Variants in CCBE1 observed in about 807,000 individuals in gnomAD.
CCBE1 encodes collagen and calcium binding EGF domains 1.
In CCBE1, 37 loss-of-function variants were observed where a neutral mutation model predicts 50.0. That is an observed-to-expected ratio of 0.74 (90% confidence interval 0.57 to 0.97). The LOEUF is 0.97. Ranked by LOEUF, CCBE1 falls within the 50% of genes least tolerant of loss-of-function variation. The pLI, the probability that CCBE1 is intolerant of heterozygous loss-of-function variation, is 0.00. For synonymous variants in CCBE1, 234 were observed against 203.7 expected, an observed-to-expected ratio of 1.15 and a Z score of -1.27; for missense variants, 538 against 523.8, an observed-to-expected ratio of 1.03 and a Z score of -0.26.
intron 6 of CCBE1, among the ~76,000 whole-genome samples, chr18:59,454,542 G>A (rs534515240): frequency 1.1e-4 from 16 of 152,138 alleles, no homozygotes; most frequent in African/African-American, 2.4e-4. Context: ...CACCGCACCC[G>A]GCTGGAAATT....
chr18:59,642,734 G>A (rs1040944803), intron 2 of CCBE1, among the ~76,000 whole-genome samples: 10 of 151,992 alleles, frequency 6.6e-5, no homozygotes, highest in African/African-American at 2.4e-4. Context: ...TGAATCATGA[G>A]GTCAAGAGTT....
At chr18:59,559,228 C>T (rs182127597) in intron 2 of CCBE1, among the ~76,000 whole-genome samples, 11 of 152,326 alleles carry the variant, frequency 7.2e-5, no homozygotes, top group African/African-American at 2.4e-4. Context: ...CAACAAGCTG[C>T]GTTTACTGGC....
rs1341646767 is a variant in CCBE1 at position 59,638,507 on chromosome 18, C to CA, written c.212+58121dup. On this transcript the variant is annotated intron_variant, in intron 2 of 10. Transcript: ENST00000439986. ...CCCTAGACCCACTGAATCAGAAACTCAGAGTGAAGCTCAGCAGCCTGTGTT... is the reference window on the plus strand; with the variant it reads ...CCCTAGACCCACTGAATCAGAAACTCAAGAGTGAAGCTCAGCAGCCTGTGTT... Among the ~76,000 whole-genome samples the CA allele has an allele frequency of 4.6e-5, 7 of 152,286 alleles. No individual in the cohort carries two copies. In the East Asian group the frequency reaches 1.4e-3, roughly 29 times the overall value.
Position 59,448,094 on chromosome 18 carries a change from G to A in CCBE1, c.664C>T (p.Leu222Phe), listed in dbSNP as rs770685560. ...VLQLKQKIAL[L>F]PNNAADLGKY... ...CCCAGGTCAGCTGCATTGTTGGGGA[G>A]CAGAGCAATCTGCAAGGAGAAGAGG... Residue 222 changes from leucine (L) to phenylalanine (F), a missense_variant, in exon 7 of 11, where the codon CTC becomes TTC. By Grantham distance (22) the Leu-to-Phe change is conservative. Transcript: ENST00000439986. 47 of 1,613,980 alleles carry A rather than the reference G, an allele frequency of 2.9e-5. No individual in the cohort carries two copies. The Admixed American group carries it at 7.8e-4, about 27-fold the overall frequency.
At position 59,516,133 on chromosome 18, in the gene CCBE1, A is replaced by T. The variant is rs368261377; in HGVS notation, c.213-35895T>A. Among the ~76,000 whole-genome samples, 9 of 152,026 alleles carry T rather than the reference A, an allele frequency of 5.9e-5. No individual in the cohort carries two copies. The East Asian group carries it at 1.4e-3, about 23-fold the overall frequency. ...CCCACCACGCCCAGCTAACTTTTGT[A>T]TTTTTAGTAGAGATGGGGTCTTGCC... On this transcript the variant is annotated intron_variant, in intron 2 of 10. Transcript: ENST00000439986.
At chr18:59,489,705 G>A (rs80188789) in intron 2 of CCBE1, among the ~76,000 whole-genome samples, 11,713 of 151,678 alleles carry the variant, frequency 0.077, 912 homozygotes, top group East Asian at 0.33. Context: ...GAGCCACTGC[G>A]CCCAGCCCTG....
chr18:59,503,779 G>A (rs1232893158), intron 2 of CCBE1, among the ~76,000 whole-genome samples: 1 of 151,898 alleles, frequency 6.6e-6, no homozygotes, highest in African/African-American at 2.4e-5. Context: ...AGTACAACAG[G>A]CCCCACTTCA....
intron 2 of CCBE1, among the ~76,000 whole-genome samples, chr18:59,500,448 C>T (rs1251308519): frequency 1.3e-5 from 2 of 152,166 alleles, no homozygotes; most frequent in Non-Finnish European, 2.9e-5. Flanking sequence ...GTGTGCTGAA[C>T]TGTGGGCCAT....
At chr18:59,669,756 G>A (rs1048043003) in intron 2 of CCBE1, among the ~76,000 whole-genome samples, 1 of 152,194 alleles carries the variant, frequency 6.6e-6, no homozygotes, top group Non-Finnish European at 1.5e-5. Context: ...AGTTAGGGTG[G>A]TACAATGAGA....
intron 2 of CCBE1, among the ~76,000 whole-genome samples, chr18:59,486,718 A>G (rs1166224685): frequency 6.6e-6 from 1 of 152,202 alleles, no homozygotes; most frequent in Non-Finnish European, 1.5e-5. Context: ...ACCAGGGTGC[A>G]GCAAGATGAT....
rs1168948195 is a variant in CCBE1, at chr18:59,431,134, G to A, written c.*4774C>T. Reference sequence around the variant, plus strand: ...CCACGGCACACATGAAATTCCTAAGGGGACTTGCTTTGATCCCCTGGGGAG... The same window carrying A: ...CCACGGCACACATGAAATTCCTAAGAGGACTTGCTTTGATCCCCTGGGGAG... On this transcript the variant is annotated 3_prime_UTR_variant, in exon 11 of 11. Transcript: ENST00000439986. 2.0e-5 allele frequency: 3 copies of A among 152,102 alleles called. No individual in the cohort carries two copies. Among genetic ancestry groups the A allele is most frequent in the Non-Finnish European group, 4.4e-5 (3 of 68,016 alleles). 9.4% of individuals were successfully genotyped at this position (152,102 alleles called of 1,614,324 possible).
chr18:59,449,570 C>T (rs1334478604), intron 6 of CCBE1, among the ~76,000 whole-genome samples: 3 of 148,940 alleles, frequency 2.0e-5, no homozygotes, highest in Non-Finnish European at 3.0e-5. Flanking sequence ...TGCAGTGAGC[C>T]GAGATCGCAC....
intron 2 of CCBE1, among the ~76,000 whole-genome samples, chr18:59,540,474 G>T (rs1014538812): frequency 6.6e-6 from 1 of 152,212 alleles, no homozygotes; most frequent in Non-Finnish European, 1.5e-5. Flanking sequence ...TTGGTATGAA[G>T]TGTGTGTGGT....
At chr18:59,601,470 A>G (rs1363598496) in intron 2 of CCBE1, among the ~76,000 whole-genome samples, 1 of 152,112 alleles carries the variant, frequency 6.6e-6, no homozygotes, top group Non-Finnish European at 1.5e-5. Flanking sequence ...ATCTTCCACC[A>G]TGATTGTGAG....
intron 2 of CCBE1, among the ~76,000 whole-genome samples, chr18:59,626,232 A>G (rs2053782913): frequency 6.6e-6 from 1 of 152,236 alleles, no homozygotes; most frequent in Non-Finnish European, 1.5e-5. Context: ...ATAAAGTTCC[A>G]CCTTAAAGTA....
At chr18:59,673,741 C>T (rs59174198) in intron 2 of CCBE1, among the ~76,000 whole-genome samples, 3,920 of 152,212 alleles carry the variant, frequency 0.026, 106 homozygotes, top group African/African-American at 0.053. Context: ...TGATGGATTA[C>T]GTTTATTGAT....
intron 2 of CCBE1, among the ~76,000 whole-genome samples, chr18:59,566,870 G>A (rs2144471360): frequency 6.6e-6 from 1 of 152,066 alleles, no homozygotes; most frequent in East Asian, 1.9e-4. Context: ...AATCTCTAAA[G>A]CCTCAGAAGA....
At chr18:59,675,446 C>A (rs148145708) in intron 2 of CCBE1, among the ~76,000 whole-genome samples, 1 of 152,192 alleles carries the variant, frequency 6.6e-6, no homozygotes, top group Non-Finnish European at 1.5e-5. Flanking sequence ...CTCTCTCCCC[C>A]ACACATGGGA....
chr18:59,696,698 GAGC>G lies in CCBE1; in HGVS notation c.140_142del (p.Cys47del). The G allele has an allele frequency of 6.2e-7, 1 of 1,613,944 alleles. No individual in the cohort carries two copies. The highest frequency in any genetic ancestry group is 2.2e-5 in the East Asian group (1 of 44,874). ...TTTAGTCGTCGCGATTTTGCTCTCTGAGCAGATTTCTCTATGAAAAAGTGCAGA... is the reference window on the plus strand; with the variant it reads ...TTTAGTCGTCGCGATTTTGCTCTCTGAGATTTCTCTATGAAAAAGTGCAGA... On this transcript the variant is annotated inframe_deletion, in exon 2 of 11. Transcript: ENST00000439986.
Sources: allele counts gnomAD v4.1 joint callset (sites outside exome capture counted in the v4.1 genomes callset), GRCh38; gene constraint gnomAD v4.1.1; transcripts MANE v1.5; gene names NCBI Gene and HGNC (gene_info 2026-07-23, HGNC 2026-07-21).